Variants in MPHOSPH9 observed in about 807,000 individuals in gnomAD.
MPHOSPH9 encodes M-phase phosphoprotein 9.
Under a neutral mutation model 145.5 loss-of-function variants are expected in MPHOSPH9, and 88 were observed. The ratio of observed to expected loss-of-function variants is 0.60; its 90% CI spans 0.51 to 0.72. The LOEUF (loss-of-function observed/expected upper bound fraction) is 0.72. Ranked by LOEUF, MPHOSPH9 falls within the 30% of genes least tolerant of loss-of-function variation. The pLI, the probability that MPHOSPH9 is intolerant of heterozygous loss-of-function variation, is 0.00. For missense variants in MPHOSPH9, 1,238 were observed against 1,386.6 expected, an observed-to-expected ratio of 0.89 and a Z score of 1.70; for synonymous variants, 435 against 486.2, an observed-to-expected ratio of 0.89 and a Z score of 1.39.
rs1395393944 is a variant in MPHOSPH9, at chr12:123,230,133, T to C, written c.104+128A>G. On this transcript the variant is annotated intron_variant, in intron 2 of 23. Coordinates refer to ENST00000606320, the MANE Select transcript of MPHOSPH9 (RefSeq NM_022782.4). The stretch of plus-strand genomic sequence containing the variant: ...CACCGCGCCCAGCCTCCCTGAACAT[T>C]CTTGATGATAGGTTAAAAAATAATA... The C allele has an allele frequency of 1.5e-5, 9 of 616,590 alleles. No homozygotes were observed. In the South Asian group the frequency reaches 2.0e-4, roughly 13 times the overall value. The allele number at this position is 616,590 out of a possible 1,614,324, so 38.2% of individuals were successfully genotyped here. A position where few individuals can be genotyped will look rare whatever the true frequency, so the allele number is the denominator to read the frequency against.
chr12:123,208,852 A>C (rs567582303), intron 8 of MPHOSPH9, among the ~76,000 whole-genome samples: 57 of 152,008 alleles, frequency 3.7e-4, no homozygotes, highest in African/African-American at 1.4e-3. Flanking sequence ...CCCAAAGTAC[A>C]AGGATTACAG....
intron 8 of MPHOSPH9, among the ~76,000 whole-genome samples, chr12:123,206,482 AAGAGGAGAAGAGAAGAGAGGAGAGG>A (rs2046437644): frequency 7.4e-6 from 1 of 135,128 alleles, no homozygotes; most frequent in African/African-American, 2.9e-5. Flanking sequence ...GAAAGAGAGG[AAGAGGAGAAGAGAAGAGAGGAGAGG>A]AGAGGAGAAG....
intron 2 of MPHOSPH9, among the ~76,000 whole-genome samples, chr12:123,229,287 C>A (rs1039826613): frequency 6.6e-6 from 1 of 152,090 alleles, no homozygotes. Flanking sequence ...TGTTTCTACA[C>A]TACTATAAAT....
At chr12:123,199,971 C>T (rs1466444459) in intron 11 of MPHOSPH9, among the ~76,000 whole-genome samples, 1 of 152,018 alleles carries the variant, frequency 6.6e-6, no homozygotes, top group African/African-American at 2.4e-5. Context: ...GCGGCACAGA[C>T]ATGAAATACT....
In MPHOSPH9 at chr12:123,221,404, C is replaced by A. The variant is rs762767934; in HGVS notation, c.840G>T (p.Lys280Asn). Residue 280 changes from lysine (K) to asparagine (N), a missense_variant, in exon 5 of 24, where the codon AAG becomes AAT. This residue lies in a region of MPHOSPH9 where 837 missense variants were observed against 897.5 expected (regional missense o/e 0.93). Transcript: ENST00000606320. ...TTTTCCCACTGTATACTTCAGAAACCTTATTTTCACCAAGAAAATTATGTT... is the reference window on the plus strand; with the variant it reads ...TTTTCCCACTGTATACTTCAGAAACATTATTTTCACCAAGAAAATTATGTT... ...EFEHNFLGEN[K>N]VSEVYSGKTN... 1 of 1,608,134 alleles carries A rather than the reference C, an allele frequency of 6.2e-7. No homozygotes were observed. Among genetic ancestry groups the A allele is most frequent in the East Asian group, 2.2e-5 (1 of 44,844 alleles).
At chr12:123,184,016 C>T (rs963391649) in intron 13 of MPHOSPH9, among the ~76,000 whole-genome samples, 2 of 151,916 alleles carry the variant, frequency 1.3e-5, no homozygotes, top group African/African-American at 2.4e-5. Flanking sequence ...GACCAGCCTG[C>T]GCAATATAGC....
chr12:123,170,188 G>A (rs2044515864), intron 16 of MPHOSPH9, among the ~76,000 whole-genome samples: 1 of 151,590 alleles, frequency 6.6e-6, no homozygotes, highest in Non-Finnish European at 1.5e-5. Flanking sequence ...TGTCACCCAG[G>A]CTGGAGTACA....
At position 123,201,345 on chromosome 12, in the gene MPHOSPH9, T is replaced by A. The variant is rs531421872; in HGVS notation, c.1937+819A>T. On this transcript the variant is annotated intron_variant, in intron 11 of 23. Transcript: ENST00000606320. ...TTTCTCCTTAGAGAATGCCTTGCTA[T>A]CAGCTAGACCTGCATCGATTTTCAA... Among the ~76,000 whole-genome samples, 12 of 152,304 alleles carry A rather than the reference T, an allele frequency of 7.9e-5. No homozygotes were observed. In the South Asian group the frequency reaches 1.4e-3, roughly 18 times the overall value.
chr12:123,226,631 T>C (rs1364732126), intron 3 of MPHOSPH9, among the ~76,000 whole-genome samples: 2 of 151,794 alleles, frequency 1.3e-5, no homozygotes, highest in Non-Finnish European at 2.9e-5. Flanking sequence ...AGGTTCTCTT[T>C]TTTTATATAT....
intron 18 of MPHOSPH9, among the ~76,000 whole-genome samples, 181 bp from the exon 19 acceptor site, chr12:123,164,271 A>G (rs2044222994): frequency 6.6e-6 from 1 of 152,232 alleles, no homozygotes; most frequent in African/African-American, 2.4e-5. Context: ...AATGCACCAC[A>G]TTATAATGAT....
At position 123,203,003 on chromosome 12, in the gene MPHOSPH9, G is replaced by C. The variant is rs1353571463; in HGVS notation, c.1402C>G (p.Leu468Val). The C allele has an allele frequency of 4.3e-6, 7 of 1,614,070 alleles. No individual in the cohort carries two copies. In the Admixed American group the frequency reaches 1.0e-4, roughly 23 times the overall value. The change falls in exon 10 of 24, where the codon CTT (leucine) becomes GTT (valine). Residue 468 changes from leucine (L) to valine (V), a missense_variant. Physicochemically the swap from Leu to Val is conservative, Grantham distance 32. Coordinates refer to ENST00000606320, the MANE Select transcript of MPHOSPH9 (RefSeq NM_022782.4). ...GIQPHGLPNA[L>V]DDRISFSPDS... ...GGGGAAAAGGATATTCTGTCATCAAGGGCATTCGGAAGGCCGTGAGGTTGA... is the reference window on the plus strand; with the variant it reads ...GGGGAAAAGGATATTCTGTCATCAACGGCATTCGGAAGGCCGTGAGGTTGA...
intron 7 of MPHOSPH9, among the ~76,000 whole-genome samples, chr12:123,210,977 C>CTTTTTTTTTTTTTTTTTT (rs907442708): frequency 1.1e-5 from 1 of 89,784 alleles, no homozygotes; most frequent in Non-Finnish European, 2.1e-5. Flanking sequence ...TTTGTTTTTT[C>CTTTTTTTTTTTTTTTTTT]TTTTTTTTTT....
At chr12:123,198,809 C>CAAAAAA (rs35259138) in intron 11 of MPHOSPH9, among the ~76,000 whole-genome samples, 26 of 48,544 alleles carry the variant, frequency 5.4e-4, no homozygotes, top group East Asian at 1.6e-3. Flanking sequence ...GAACCTGTCT[C>CAAAAAA]AAAAAAAAAA....
chr12:123,163,268 G>T lies in MPHOSPH9; in HGVS notation c.2909-134C>A, dbSNP rs2044182890. 14 of 983,140 alleles carry T rather than the reference G, an allele frequency of 1.4e-5. No homozygotes were observed. In the Admixed American group the frequency reaches 5.3e-4, roughly 37 times the overall value. 60.9% of individuals were successfully genotyped at this position (983,140 alleles called of 1,614,324 possible). A position where few individuals can be genotyped will look rare whatever the true frequency, so the allele number is the denominator to read the frequency against. On this transcript the variant is annotated intron_variant, in intron 19 of 23. Transcript: ENST00000606320. ...GTAAAACTTTGAGAGAGAAATAAGA[G>T]TGTACAAAAAAATAAAATCACTCAT...
chr12:123,234,350 C>A (rs1358254617), upstream of MPHOSPH9, among the ~76,000 whole-genome samples: 1 of 150,082 alleles, frequency 6.7e-6, no homozygotes, highest in Non-Finnish European at 1.5e-5. Flanking sequence ...CTCATTGGAG[C>A]TTCCTAAGTA....
At chr12:123,239,172 G>A (rs990424758) in intron 1 of MPHOSPH9, among the ~76,000 whole-genome samples, 3 of 152,132 alleles carry the variant, frequency 2.0e-5, no homozygotes, top group African/African-American at 4.8e-5. Flanking sequence ...AGGAGGCTGC[G>A]GTGAGAGGAT....
chr12:123,208,998 T>C (rs2046575255), intron 8 of MPHOSPH9, among the ~76,000 whole-genome samples: 1 of 152,172 alleles, frequency 6.6e-6, no homozygotes, highest in Non-Finnish European at 1.5e-5. Flanking sequence ...AGTGGCACCA[T>C]CTTGGCTCAC....
chr12:123,155,962 G>C lies in MPHOSPH9; in HGVS notation c.*845C>G, dbSNP rs922591960. 1 of 152,254 alleles carries C rather than the reference G, an allele frequency of 6.6e-6. No individual in the cohort carries two copies. The highest frequency in any genetic ancestry group is 2.4e-5 in the African/African-American group (1 of 41,422). The allele number at this position is 152,254 out of a possible 1,614,324, so 9.4% of individuals were successfully genotyped here. ...AACATATCCAGATGACAACTATGAC[G>C]GACAGCTGAAGCCATGCACACTAAG... On this transcript the variant is annotated 3_prime_UTR_variant, in exon 24 of 24. Coordinates refer to ENST00000606320, the MANE Select transcript of MPHOSPH9 (RefSeq NM_022782.4).
chr12:123,205,600 C>T (rs1470976982), intron 8 of MPHOSPH9, among the ~76,000 whole-genome samples: 1 of 151,952 alleles, frequency 6.6e-6, no homozygotes, highest in Non-Finnish European at 1.5e-5. Context: ...TCATTCTTTA[C>T]ATGCCAATAA....
Sources: allele counts gnomAD v4.1 joint callset (sites outside exome capture counted in the v4.1 genomes callset), GRCh38; gene constraint gnomAD v4.1.1; regional missense constraint gnomAD v4.1.1; transcripts MANE v1.5; gene names NCBI Gene and HGNC (gene_info 2026-07-23, HGNC 2026-07-21).